The following PRDM1 variants were observed in gnomAD, a reference collection of about 807,000 sequenced individuals.
The protein encoded by PRDM1 is PR/SET domain 1.
In PRDM1, 13 loss-of-function variants were observed where a neutral mutation model predicts 62.8. The observed-to-expected ratio is 0.21, with a 90% CI of 0.13 to 0.33. PRDM1 has a LOEUF of 0.33. Among genes scored for constraint, PRDM1 ranks in the 10% least tolerant of loss-of-function variants. PRDM1 has a pLI of 1.00. For synonymous variants in PRDM1, 396 were observed against 417.6 expected (o/e 0.95, Z 0.63); for missense variants, 895 against 1,058.8 (o/e 0.85, Z 2.15).
At chr6:106,054,054 C>T (rs1343696896) in intron 1 of PRDM1, among the ~76,000 whole-genome samples, 2 of 151,538 alleles carry the variant, frequency 1.3e-5, no homozygotes, top group African/African-American at 4.9e-5. Flanking sequence ...AGACTAGATT[C>T]GTAGATCATA....
At chr6:106,020,645 A>G (rs1310123299) in intron 1 of PRDM1, among the ~76,000 whole-genome samples, 3 of 152,170 alleles carry the variant, frequency 2.0e-5, no homozygotes, top group African/African-American at 7.2e-5. Flanking sequence ...TTTGTATTCT[A>G]TTATGCACCC....
In PRDM1 at chr6:106,020,663, T is replaced by A. The variant is rs75074090; in HGVS notation, c.-67+27024T>A. The stretch of plus-strand genomic sequence containing the variant: ...GTATTCTATTATGCACCCCCCACCA[T>A]TTTTTTCCCCTATACTTCATGGTGA... On this transcript the variant is annotated intron_variant, in intron 1 of 6. Transcript: ENST00000652320. Among the ~76,000 whole-genome samples the A allele has an allele frequency of 2.5e-3, 386 of 152,190 alleles. 14 individuals are homozygous for A. In the East Asian group the frequency reaches 0.067, roughly 26 times the overall value.
intron 2 of PRDM1, among the ~76,000 whole-genome samples, chr6:106,091,226 CTG>C (rs1485424001): frequency 1.3e-5 from 2 of 152,192 alleles, no homozygotes; most frequent in Admixed American, 1.3e-4. Flanking sequence ...CACTGTGGCT[CTG>C]TGAGTCTCAC....
intron 1 of PRDM1, 74 bp downstream of exon 1, chr6:106,086,669 A>G: frequency 7.5e-7 from 1 of 1,341,030 alleles, no homozygotes; most frequent in Non-Finnish European, 1.0e-6. Flanking sequence ...CTTTATTGTT[A>G]TTATTATTAA....
chr6:106,070,753 T>C (rs1773496175), intron 1 of PRDM1, among the ~76,000 whole-genome samples: 3 of 152,254 alleles, frequency 2.0e-5, no homozygotes, highest in Non-Finnish European at 4.4e-5. Flanking sequence ...TTGGTAATAT[T>C]GTTAATATTT....
chr6:106,069,557 GATGACGGC>G (rs1773480518), intron 1 of PRDM1, among the ~76,000 whole-genome samples: 2 of 152,210 alleles, frequency 1.3e-5, no homozygotes, highest in Admixed American at 6.5e-5. Context: ...TGAAGATTTA[GATGACGGC>G]ATCGCCTCAC....
chr6:106,082,422 T>C (rs1356410760), upstream of PRDM1, among the ~76,000 whole-genome samples: 1 of 152,242 alleles, frequency 6.6e-6, no homozygotes, highest in Non-Finnish European at 1.5e-5. Context: ...ATTGCTATTA[T>C]CATTTATTAA....
upstream of PRDM1, among the ~76,000 whole-genome samples, chr6:106,047,313 G>T (rs1773096158): frequency 6.6e-6 from 1 of 152,222 alleles, no homozygotes; most frequent in Non-Finnish European, 1.5e-5. Context: ...ACAATTTCTT[G>T]AGTTTTTGAA....
At chr6:106,016,914 A>G (rs1401315292) in intron 1 of PRDM1, among the ~76,000 whole-genome samples, 1 of 152,168 alleles carries the variant, frequency 6.6e-6, no homozygotes, top group Admixed American at 6.5e-5. Context: ...GGCCTCCCAA[A>G]GTGCCGGGAT....
At chr6:106,063,660 C>T (rs776743206) in intron 1 of PRDM1, among the ~76,000 whole-genome samples, 4 of 152,228 alleles carry the variant, frequency 2.6e-5, no homozygotes, top group Middle Eastern at 3.4e-3. Context: ...GTTAAGTTTA[C>T]GACATGCTGA....
At chr6:106,042,595 G>GT (rs1773019752) in intron 1 of PRDM1, among the ~76,000 whole-genome samples, 1 of 151,858 alleles carries the variant, frequency 6.6e-6, no homozygotes, top group Non-Finnish European at 1.5e-5. Context: ...AATTGTTAAT[G>GT]TAAGAATGAA....
At chr6:106,063,232 G>C (rs1220235262) in intron 1 of PRDM1, among the ~76,000 whole-genome samples, 2 of 152,180 alleles carry the variant, frequency 1.3e-5, no homozygotes, top group Non-Finnish European at 2.9e-5. Context: ...TCTACACCAA[G>C]TATGTGCACT....
At chr6:106,024,627 A>G (rs1805510129) in intron 1 of PRDM1, among the ~76,000 whole-genome samples, 1 of 152,210 alleles carries the variant, frequency 6.6e-6, no homozygotes, top group South Asian at 2.1e-4. Flanking sequence ...GGAAGAAGTC[A>G]CATAAGACAG....
intron 1 of PRDM1, among the ~76,000 whole-genome samples, chr6:106,073,994 A>G (rs555299381): frequency 1.3e-5 from 2 of 152,314 alleles, no homozygotes; most frequent in African/African-American, 4.8e-5. Flanking sequence ...GAGCCATGCA[A>G]AATTTGGGGG....
intron 1 of PRDM1, among the ~76,000 whole-genome samples, chr6:106,061,954 TG>T (rs1424993469): frequency 6.6e-6 from 1 of 152,198 alleles, no homozygotes; most frequent in Non-Finnish European, 1.5e-5. Context: ...TTAATTCTGT[TG>T]ATCCATTTTG....
At chr6:106,013,613 C>A (rs1040230659) in intron 1 of PRDM1, among the ~76,000 whole-genome samples, 1 of 152,168 alleles carries the variant, frequency 6.6e-6, no homozygotes, top group Non-Finnish European at 1.5e-5. Context: ...CAGGTGCGAG[C>A]CACCATGCCC....
chr6:106,010,485 A>T (rs1292472631), intron 1 of PRDM1, among the ~76,000 whole-genome samples: 5 of 152,166 alleles, frequency 3.3e-5, no homozygotes, highest in South Asian at 2.1e-4. Context: ...CCGTGCATCT[A>T]ATTAAATTCT....
At chr6:106,019,814 A>G (rs1452832817) in intron 1 of PRDM1, among the ~76,000 whole-genome samples, 1 of 151,510 alleles carries the variant, frequency 6.6e-6, no homozygotes, top group African/African-American at 2.4e-5. Context: ...TAATATTTGT[A>G]TTTTTAGTAG....
In PRDM1 at chr6:106,104,922, A is replaced by G. The variant is rs1439906285; in HGVS notation, c.762A>G (p.Leu254=). The change falls in exon 5 of 7, where the codon CTA becomes CTG. Residue 254 remains leucine, a synonymous_variant. Coordinates refer to ENST00000369096, the MANE Select transcript of PRDM1 (RefSeq NM_001198.4). ...PKREYSVKEI[L]KLDSNPSKGK... is the part of the protein sequence containing the mutation. Reference sequence around the variant, plus strand: ...GAGAGTACAGCGTGAAAGAAATCCTAAAATTGGACTCCAACCCCTCCAAAG... The same window carrying G: ...GAGAGTACAGCGTGAAAGAAATCCTGAAATTGGACTCCAACCCCTCCAAAG... The G allele has an allele frequency of 3.7e-6, 6 of 1,614,018 alleles. No homozygotes were observed. Among genetic ancestry groups the G allele is most frequent in the Admixed American group, 1.7e-5 (1 of 59,996 alleles).
Sources: allele counts gnomAD v4.1 joint callset (sites outside exome capture counted in the v4.1 genomes callset), GRCh38; gene constraint gnomAD v4.1.1; transcripts MANE v1.5; gene names NCBI Gene and HGNC (gene_info 2026-07-23, HGNC 2026-07-21).